PREP: variants seen among roughly 807,000 people sequenced by gnomAD.
The protein encoded by PREP is dJ355L5.1 (prolyl endopeptidase).
A neutral mutation model predicts 87.6 loss-of-function variants in PREP; 29 were observed. The ratio of observed to expected loss-of-function variants is 0.33; its 90% CI spans 0.25 to 0.45. The LOEUF (loss-of-function observed/expected upper bound fraction) is 0.45. PREP is among the 20% of genes least tolerant of loss of function. The pLI, the probability that PREP is intolerant of heterozygous loss-of-function variation, is 1.00. For missense variants in PREP, 695 were observed against 886.5 expected, an observed-to-expected ratio of 0.78 and a Z score of 2.74; for synonymous variants, 337 against 328.6, an observed-to-expected ratio of 1.03 and a Z score of -0.28.
rs11759204 is a variant in PREP at position 105,365,208 on chromosome 6, C to T, written c.717+3695G>A. ...GTTGCAGCGAGCCGAAATCATGCCA[C>T]GGCACTCCGCCCTGGGTGACAGAGT... On this transcript the variant is annotated intron_variant, in intron 6 of 14. Coordinates refer to ENST00000652536, the MANE Select transcript of PREP (RefSeq NM_002726.5). Among the ~76,000 whole-genome samples, 767 of 152,322 alleles carry T rather than the reference C, an allele frequency of 5.0e-3. 2 individuals carry two copies. The highest frequency in any genetic ancestry group is 0.018 in the South Asian group (88 of 4,826).
Position 105,277,016 on chromosome 6 carries a change from T to C in PREP, c.*1128A>G, listed in dbSNP as rs531991880. Among the ~76,000 whole-genome samples, 32 of 152,242 alleles carry C rather than the reference T, an allele frequency of 2.1e-4. No homozygotes were observed. The South Asian group carries it at 6.4e-3, about 31-fold the overall frequency. ...GCAAGACAAAGGAAAAAAAACTGTT[T>C]TAAGTTAGATCAGCATTTCCCAAAC... On this transcript the variant is annotated 3_prime_UTR_variant, in exon 15 of 15. Transcript: ENST00000652536.
chr6:105,299,725 C>T (rs890702094), intron 10 of PREP, among the ~76,000 whole-genome samples: 2 of 152,162 alleles, frequency 1.3e-5, no homozygotes, highest in Non-Finnish European at 2.9e-5. Context: ...GTTATTACTT[C>T]CTTGTAAATA....
chr6:105,400,114 A>G (rs1463741204), intron 1 of PREP, among the ~76,000 whole-genome samples: 1 of 152,128 alleles, frequency 6.6e-6, no homozygotes, highest in African/African-American at 2.4e-5. Flanking sequence ...TTCCACCTCC[A>G]ATTTTTTCTA....
chr6:105,321,000 C>A (rs1359155480), intron 10 of PREP, among the ~76,000 whole-genome samples: 1 of 152,214 alleles, frequency 6.6e-6, no homozygotes, highest in Non-Finnish European at 1.5e-5. Flanking sequence ...TGCACACATA[C>A]ACTTGAATCT....
At chr6:105,359,763 T>C (rs1239905399) in intron 6 of PREP, among the ~76,000 whole-genome samples, 1 of 152,020 alleles carries the variant, frequency 6.6e-6, no homozygotes, top group Non-Finnish European at 1.5e-5. Flanking sequence ...TTAATGTAGG[T>C]TTATAAAGGC....
At chr6:105,321,361 T>C (rs892795897) in intron 10 of PREP, among the ~76,000 whole-genome samples, 3 of 152,188 alleles carry the variant, frequency 2.0e-5, no homozygotes, top group Non-Finnish European at 4.4e-5. Flanking sequence ...CCCGGAACTT[T>C]TGTTTGGGAA....
intron 1 of PREP, among the ~76,000 whole-genome samples, chr6:105,400,901 A>C (rs1050065975): frequency 1.3e-5 from 2 of 152,136 alleles, no homozygotes; most frequent in African/African-American, 4.8e-5. Context: ...CCATCCTAGA[A>C]ATCAAAGGCT....
rs369573761 is a variant in PREP, at chr6:105,377,487, C to T, written c.153G>A (p.Val51=). The part of the protein sequence containing the change: ...AFVEAQNKIT[V]PFLEQCPIRG... ...TGATGGGACACTGCTCAAGAAATGG[C>T]ACAGTAATCTTATTCTGGGCCTCCA... Residue 51 remains valine (V), a synonymous_variant, in exon 3 of 15, where the codon GTG becomes GTA. Coordinates refer to ENST00000652536, the MANE Select transcript of PREP (RefSeq NM_002726.5). The T allele has an allele frequency of 1.2e-6, 2 of 1,613,840 alleles. No homozygotes were observed. Among genetic ancestry groups the T allele is most frequent in the South Asian group, 1.1e-5 (1 of 91,058 alleles).
intron 10 of PREP, 135 bp downstream of exon 10, chr6:105,323,530 C>T (rs1191266386): frequency 1.9e-5 from 15 of 788,934 alleles, no homozygotes; most frequent in South Asian, 3.3e-5. Flanking sequence ...GCTCAATGAC[C>T]GTCAACCGTG....
chr6:105,343,847 T>C (rs372421243), intron 7 of PREP, among the ~76,000 whole-genome samples: 2 of 152,098 alleles, frequency 1.3e-5, no homozygotes, highest in African/African-American at 2.4e-5. Flanking sequence ...GTTAGAATGG[T>C]GATCATTAAA....
At chr6:105,288,918 T>C in intron 10 of PREP, 24 bp from the exon 11 acceptor site, 1 of 1,601,652 alleles carries the variant, frequency 6.2e-7, no homozygotes. Flanking sequence ...AAGCAGAATA[T>C]AAGATTTAGC....
At chr6:105,379,540 T>C (rs756162845) in intron 2 of PREP, among the ~76,000 whole-genome samples, 1 of 152,124 alleles carries the variant, frequency 6.6e-6, no homozygotes, top group Non-Finnish European at 1.5e-5. Flanking sequence ...GCAAGTGGTA[T>C]TAAAGTCCCC....
chr6:105,305,053 C>A (rs1770625329), intron 10 of PREP, among the ~76,000 whole-genome samples: 1 of 152,144 alleles, frequency 6.6e-6, no homozygotes, highest in Admixed American at 6.5e-5. Flanking sequence ...AAAAACCCAA[C>A]AAGGATATGT....
At chr6:105,327,176 T>C (rs72946073) in intron 9 of PREP, among the ~76,000 whole-genome samples, 7,583 of 152,260 alleles carry the variant, frequency 0.05, 248 homozygotes, top group Admixed American at 0.08. Context: ...AAAACTTCTG[T>C]ACCCAGTGTA....
Position 105,333,515 on chromosome 6 carries a change from G to A in PREP, c.824-10C>T, listed in dbSNP as rs1771396210. The A allele has an allele frequency of 6.2e-7, 1 of 1,613,274 alleles. No homozygotes were observed. The highest frequency in any genetic ancestry group is 2.2e-5 in the East Asian group (1 of 44,890). Reference sequence around the variant, plus strand: ...ACCCACTTCAGGATTCCTGGCAAGAGACCAAGCATTCTCATCATCTCTCTA... The same window carrying A: ...ACCCACTTCAGGATTCCTGGCAAGAAACCAAGCATTCTCATCATCTCTCTA... On this transcript the variant is annotated splice_polypyrimidine_tract_variant and intron_variant, in intron 7 of 14. Coordinates refer to ENST00000652536, the MANE Select transcript of PREP (RefSeq NM_002726.5).
chr6:105,327,460 GT>G (rs1033238664), intron 9 of PREP, among the ~76,000 whole-genome samples: 1 of 152,128 alleles, frequency 6.6e-6, no homozygotes, highest in Non-Finnish European at 1.5e-5. Flanking sequence ...GCCTGGCTAG[GT>G]TTTCAAGGTA....
At chr6:105,402,109 G>A (rs1773446603) in intron 1 of PREP, among the ~76,000 whole-genome samples, 1 of 152,052 alleles carries the variant, frequency 6.6e-6, no homozygotes, top group South Asian at 2.1e-4. Flanking sequence ...GGTCAACTCC[G>A]CCACTAGACA....
chr6:105,332,686 T>C (rs1043761176), intron 8 of PREP, among the ~76,000 whole-genome samples: 15 of 152,184 alleles, frequency 9.9e-5, no homozygotes, highest in Admixed American at 3.9e-4. Context: ...TCAACTTTCA[T>C]GCAATAAATA....
intron 2 of PREP, among the ~76,000 whole-genome samples, chr6:105,380,366 C>T (rs941634145): frequency 1.3e-5 from 2 of 152,174 alleles, no homozygotes; most frequent in African/African-American, 2.4e-5. Context: ...TGAGCTACAG[C>T]AGGCGGCACC....
Sources: gnomAD v4.1 joint callset for allele counts (sites outside exome capture counted in the v4.1 genomes callset) on GRCh38, gnomAD v4.1.1 for gene constraint, MANE v1.5 for transcripts, NCBI Gene and HGNC (gene_info 2026-07-23, HGNC 2026-07-21) for gene names.